The following TLE2 variants were observed in gnomAD, a reference collection of about 807,000 sequenced individuals.
TLE2 encodes transducin-like enhancer protein 2.
TLE2 carries 74 observed loss-of-function variants against 97.2 expected under a neutral mutation model. The ratio of observed to expected loss-of-function variants is 0.76; its 90% CI spans 0.63 to 0.92. The LOEUF is 0.92. Ranked by LOEUF, TLE2 falls within the 40% of genes least tolerant of loss-of-function variation. TLE2 has a pLI of 0.00. For missense variants in TLE2, 1,038 were observed against 1,008.7 expected (o/e 1.03, Z -0.39); for synonymous variants, 499 against 432.1 (o/e 1.15, Z -1.92).
chr19:2,999,228 G>T (rs1459459855), intron 19 of TLE2, among the ~76,000 whole-genome samples: 1 of 152,050 alleles, frequency 6.6e-6, no homozygotes, highest in African/African-American at 2.4e-5. Context: ...GCTGCAGTGA[G>T]CTGAGATTGC....
chr19:3,009,513 ACCT>A, intron 13 of TLE2, 26 bp downstream of exon 13: 2 of 1,560,450 alleles, frequency 1.3e-6, no homozygotes, highest in Non-Finnish European at 1.7e-6. Flanking sequence ...CCCTGCTGAC[ACCT>A]CCTGCGCCCC....
chr19:3,010,944 G>T (rs1234842012), intron 12 of TLE2, 78 bp downstream of exon 12: 5 of 1,499,642 alleles, frequency 3.3e-6, no homozygotes, highest in Non-Finnish European at 8.9e-7. Flanking sequence ...CCAGCATTCT[G>T]CCTCTCCAGC....
In TLE2 at chr19:3,014,552, C is replaced by A; in HGVS notation, c.723+18G>T. ...TCTGTGCCCAGAGTCGGGGAAGAGG[C>A]TGGACCCCTGGACTCACCTCGTCCA... is the stretch of plus-strand genomic sequence containing the variant. On this transcript the variant is annotated intron_variant, in intron 10 of 19. Transcript: ENST00000262953. 1.3e-6 allele frequency: 2 copies of A among 1,569,354 alleles called. No individual in the cohort carries two copies. Among genetic ancestry groups the A allele is most frequent in the East Asian group, 2.4e-5 (1 of 41,528 alleles).
upstream of TLE2, among the ~76,000 whole-genome samples, chr19:3,029,878 C>G (rs1426396849): frequency 4.6e-5 from 7 of 152,218 alleles, no homozygotes; most frequent in South Asian, 1.5e-3. Context: ...CTCACTGCAG[C>G]CTCGAACTCC....
At chr19:3,033,807 C>T (rs1397145062), upstream of TLE2, among the ~76,000 whole-genome samples, 6 of 152,140 alleles carry the variant, frequency 3.9e-5, no homozygotes, top group Admixed American at 3.9e-4. Flanking sequence ...GAGTTTGAGA[C>T]CAGCCTGGGC....
chr19:3,004,422 GA>G (rs1170964545), intron 17 of TLE2, among the ~76,000 whole-genome samples: 1 of 151,874 alleles, frequency 6.6e-6, no homozygotes, highest in Non-Finnish European at 1.5e-5. Flanking sequence ...TGGATCACTT[GA>G]GGCCAGGAAT....
intron 1 of TLE2, among the ~76,000 whole-genome samples, chr19:3,045,493 G>A (rs1440168851): frequency 2.6e-5 from 4 of 152,130 alleles, no homozygotes; most frequent in African/African-American, 9.7e-5. Flanking sequence ...CAGTCAGTGA[G>A]TCCAGAAACT....
intron 8 of TLE2, 39 bp downstream of exon 8, chr19:3,017,801 C>T: frequency 6.2e-7 from 1 of 1,604,154 alleles, no homozygotes; most frequent in Non-Finnish European, 8.5e-7. Flanking sequence ...GTTGGCCTCC[C>T]AAGAATATAA....
Position 3,019,319 on chromosome 19 carries a change from C to T in TLE2, c.514G>A (p.Glu172Lys), listed in dbSNP as rs1428473985. Residue 172 changes from glutamate to lysine, a missense_variant, in exon 7 of 20, where the codon GAG (glutamate) becomes AAG (lysine). By Grantham distance (56) the Glu-to-Lys change is moderately conservative (BLOSUM62 1). Coordinates refer to ENST00000262953, the MANE Select transcript of TLE2 (RefSeq NM_003260.5). The surrounding 1 kb of genome is among the most constrained non-coding windows in gnomAD (Gnocchi z 5.1). ...TCGGCCTCCACGCCCGCACGGTCCTCCTTGACAGCCGCCGCCAGCTGAGCC... is the reference window on the plus strand; with the variant it reads ...TCGGCCTCCACGCCCGCACGGTCCTTCTTGACAGCCGCCGCCAGCTGAGCC... ...AQAQLAAAVK[E>K]DRAGVEAEGS... 6.3e-7 allele frequency: 1 copy of T among 1,576,178 alleles called. No individual in the cohort carries two copies. The highest frequency in any genetic ancestry group is 8.6e-7 in the Non-Finnish European group (1 of 1,169,390).
At chr19:3,018,297 T>TTTA (rs1431545036) in intron 7 of TLE2, among the ~76,000 whole-genome samples, 1 of 150,732 alleles carries the variant, frequency 6.6e-6, no homozygotes, top group Non-Finnish European at 1.5e-5. Context: ...ATGCTTGGCA[T>TTTA]TTATTTATTT....
chr19:3,018,233 G>A (rs7246941), intron 7 of TLE2, among the ~76,000 whole-genome samples: 1 of 151,906 alleles, frequency 6.6e-6, no homozygotes, highest in African/African-American at 2.4e-5. Context: ...CCGGGCTCAA[G>A]TGATTGTCCC....
chr19:3,045,775 C>G (rs370128485), exon 1 of TLE2: 1 of 442,644 alleles, frequency 2.3e-6, no homozygotes, highest in African/African-American at 2.0e-5. Flanking sequence ...TGCAGTGAGC[C>G]GTGATTGCAC....
rs776730587 is a variant in TLE2, at chr19:3,002,421, C to T, written c.1979G>A (p.Arg660His). 1.1e-5 allele frequency: 18 copies of T among 1,612,892 alleles called. 1 individual carries two copies. The Middle Eastern group carries it at 8.3e-4, about 74-fold the overall frequency. ...ESSNVEILHV[R>H]KPEKYQLHLH... ...GTGCAGCTGGTATTTCTCCGGCTTG[C>T]GGACGTGCAGGATCTCCACGTTGCT... The change falls in exon 18 of 20, where the codon CGC (arginine) becomes CAC (histidine). Residue 660 changes from arginine to histidine, a missense_variant. Transcript: ENST00000262953.
chr19:3,013,610 C>T, intron 11 of TLE2, 59 bp downstream of exon 11: 1 of 1,317,704 alleles, frequency 7.6e-7, no homozygotes, highest in South Asian at 2.9e-5. Flanking sequence ...GGGGTAGCGT[C>T]TGCTTCGGGG....
In TLE2 at chr19:3,005,806, C is replaced by T. The variant is rs767088565; in HGVS notation, c.1663G>A (p.Val555Ile). 1.9e-6 allele frequency: 3 copies of T among 1,613,864 alleles called. No individual in the cohort carries two copies. The highest frequency in any genetic ancestry group is 2.5e-6 in the Non-Finnish European group (3 of 1,179,882). Residue 555 changes from valine to isoleucine, a missense_variant, in exon 16 of 20, where the codon GTC becomes ATC. Transcript: ENST00000262953. Reference sequence around the variant, plus strand: ...AAGCAAACCTTGGCGTCGGGGCTGACGGCCAGGGCGTAGCAGGCTGGGGCT... The same window carrying T: ...AAGCAAACCTTGGCGTCGGGGCTGATGGCCAGGGCGTAGCAGGCTGGGGCT... Reference protein sequence around the residue: ...SSAPACYALAVSPDAKVCFSC... With the variant: ...SSAPACYALAISPDAKVCFSC...
intron 5 of TLE2, among the ~76,000 whole-genome samples, chr19:3,021,119 G>A (rs1347362571): frequency 7.2e-6 from 1 of 138,436 alleles, no homozygotes; most frequent in South Asian, 2.4e-4. Context: ...AAAAAAGGGG[G>A]GGGGGTGCTG....
chr19:3,006,331 C>T (rs1009879622), intron 15 of TLE2, 89 bp downstream of exon 15: 17 of 1,523,058 alleles, frequency 1.1e-5, no homozygotes, highest in Non-Finnish European at 1.4e-5. Context: ...GTAGCCCCAC[C>T]CACGGCCAGC....
chr19:3,028,684 C>T, intron 2 of TLE2, 22 bp downstream of exon 2: 3 of 1,611,694 alleles, frequency 1.9e-6, no homozygotes, highest in Non-Finnish European at 2.5e-6. Context: ...ACTCCCGCGG[C>T]CCCTGGGGCG....
chr19:2,998,094 G>A (rs1357567642), intron 19 of TLE2, 139 bp from the exon 20 acceptor site: 2 of 635,340 alleles, frequency 3.1e-6, no homozygotes, highest in Admixed American at 4.9e-5. Context: ...TTTTGAGATG[G>A]AGTTTTGTTC....
Sources: gnomAD v4.1 joint callset for allele counts (sites outside exome capture counted in the v4.1 genomes callset) on GRCh38, gnomAD v4.1.1 for gene constraint, Gnocchi (gnomAD v3.1) non-coding constraint, MANE v1.5 for transcripts, NCBI Gene and HGNC (gene_info 2026-07-23, HGNC 2026-07-21) for gene names.